Variants in TSHR observed in about 807,000 individuals in gnomAD.
TSHR encodes the protein thyroid stimulating hormone receptor.
TSHR carries 51 observed loss-of-function variants against 64.1 expected under a neutral mutation model. The observed-to-expected ratio is 0.80, with a 90% confidence interval of 0.64 to 1.01. The LOEUF (loss-of-function observed/expected upper bound fraction) is 1.01, where lower values mean the gene tolerates loss of function less well. Ranked by LOEUF, TSHR falls within the 50% of genes least tolerant of loss-of-function variation. TSHR has a pLI of 0.00. For synonymous variants in TSHR, 361 were observed against 361.9 expected, an observed-to-expected ratio of 1.00 and a Z score of 0.03; for missense variants, 877 against 942.8, an observed-to-expected ratio of 0.93 and a Z score of 0.91.
chr14:81,130,758 G>A (rs1891206113), intron 8 of TSHR, among the ~76,000 whole-genome samples: 1 of 91,046 alleles, frequency 1.1e-5, no homozygotes, highest in Non-Finnish European at 1.9e-5. Flanking sequence ...TTGGGAGGCC[G>A]AGGCGGGTGG....
intron 8 of TSHR, among the ~76,000 whole-genome samples, chr14:81,112,996 C>T (rs2140042811): frequency 6.6e-6 from 1 of 152,242 alleles, no homozygotes; most frequent in East Asian, 1.9e-4. Flanking sequence ...TTGATTTGCT[C>T]TTTAGATAGA....
chr14:80,986,309 T>C (rs983525286), intron 1 of TSHR, among the ~76,000 whole-genome samples: 1 of 152,044 alleles, frequency 6.6e-6, no homozygotes, highest in Admixed American at 6.6e-5. Flanking sequence ...AAAATACAGA[T>C]AGAGAGAGAT....
chr14:81,113,289 GA>G (rs1890310397), intron 8 of TSHR, among the ~76,000 whole-genome samples: 3 of 152,206 alleles, frequency 2.0e-5, no homozygotes, highest in Admixed American at 6.5e-5. Context: ...GATGATGAGA[GA>G]AACGAAGGAA....
At chr14:81,136,202 A>G (rs1278232320) in intron 8 of TSHR, among the ~76,000 whole-genome samples, 26 of 152,236 alleles carry the variant, frequency 1.7e-4, no homozygotes, top group Non-Finnish European at 4.4e-5. Context: ...TACTCAATTC[A>G]TATGTTATGA....
rs368452281 is a variant in TSHR at position 81,144,178 on chromosome 14, G to A, written c.2120G>A (p.Arg707Gln). The part of the protein sequence containing the change: ...GICKRQAQAY[R>Q]GQRVPPKNST... ...TGTAAACGCCAGGCTCAGGCATACCGGGGGCAGAGGGTTCCTCCAAAGAAC... is the reference window on the plus strand; with the variant it reads ...TGTAAACGCCAGGCTCAGGCATACCAGGGGCAGAGGGTTCCTCCAAAGAAC... The change falls in exon 10 of 10, where the codon CGG becomes CAG. Residue 707 changes from arginine to glutamine, a missense_variant. Physicochemically the swap from Arg to Gln is conservative, Grantham distance 43 (BLOSUM62 1). Coordinates refer to ENST00000298171, the MANE Select transcript of TSHR (RefSeq NM_000369.5). 107 of 1,613,798 alleles carry A rather than the reference G, an allele frequency of 6.6e-5. No individual in the cohort carries two copies. Among genetic ancestry groups the A allele is most frequent in the South Asian group, 2.9e-4 (26 of 91,066 alleles).
At chr14:80,965,977 C>T (rs1221157341) in intron 1 of TSHR, among the ~76,000 whole-genome samples, 19 of 152,220 alleles carry the variant, frequency 1.2e-4, no homozygotes, top group Non-Finnish European at 8.8e-5. Context: ...AAACTTCCCA[C>T]ATCACTTGCA....
At chr14:81,090,219 G>A (rs1888613773) in intron 4 of TSHR, among the ~76,000 whole-genome samples, 1 of 152,174 alleles carries the variant, frequency 6.6e-6, no homozygotes, top group South Asian at 2.1e-4. Flanking sequence ...TAAAGACTTT[G>A]TCTTTGATTG....
intron 3 of TSHR, among the ~76,000 whole-genome samples, chr14:81,083,874 C>T (rs1888090936): frequency 1.3e-5 from 2 of 152,134 alleles, no homozygotes; most frequent in Admixed American, 1.3e-4. Context: ...TTCTTTCTCA[C>T]ATGGCAGCAG....
In TSHR at chr14:81,143,206, G is replaced by A. The variant is rs1375916178; in HGVS notation, c.1148G>A (p.Ser383Asn). The A allele has an allele frequency of 1.9e-6, 3 of 1,614,062 alleles. No individual in the cohort carries two copies. In the Admixed American group the frequency reaches 5.0e-5, roughly 27 times the overall value. ...PQEETLQAFD[S>N]HYDYTICGDS... ...GAAGAGACTCTACAAGCTTTTGACA[G>A]CCATTATGACTACACCATATGTGGG... The change falls in exon 10 of 10, where the codon AGC (serine) becomes AAC (asparagine). Residue 383 changes from serine to asparagine, a missense_variant. Ser to Asn is a conservative substitution (Grantham distance 46). Transcript: ENST00000298171.
intron 8 of TSHR, among the ~76,000 whole-genome samples, chr14:81,116,032 G>T (rs374197479): frequency 6.6e-6 from 1 of 151,912 alleles, no homozygotes; most frequent in Non-Finnish European, 1.5e-5. Context: ...TGAAGGAAGC[G>T]CTAAACATGG....
intron 2 of TSHR, among the ~76,000 whole-genome samples, chr14:81,067,274 T>C (rs535847053): frequency 2.0e-5 from 3 of 152,040 alleles, no homozygotes; most frequent in African/African-American, 7.2e-5. Flanking sequence ...TCATGTTTTT[T>C]TGCTATTTTG....
intron 7 of TSHR, chr14:81,104,934 A>G (rs1889801339): frequency 1.0e-6 from 1 of 985,418 alleles, no homozygotes; most frequent in Admixed American, 6.1e-5. Context: ...TTTTAAAGGA[A>G]ATACCAGTTC....
At chr14:80,978,094 A>AC (rs368443326) in intron 1 of TSHR, among the ~76,000 whole-genome samples, 1 of 146,386 alleles carries the variant, frequency 6.8e-6, no homozygotes. Context: ...ACATCCCTCC[A>AC]ACACACACAC....
At chr14:81,108,295 C>T (rs1370345847) in intron 7 of TSHR, 80 bp from the exon 8 acceptor site, 4 of 1,163,860 alleles carry the variant, frequency 3.4e-6, no homozygotes, top group Admixed American at 1.7e-5. Flanking sequence ...ACATTTTATT[C>T]TGATATTTGT....
intron 9 of TSHR, 40 bp from the exon 10 acceptor site, chr14:81,142,900 G>A (rs774488446): frequency 1.9e-6 from 3 of 1,593,642 alleles, no homozygotes; most frequent in Non-Finnish European, 2.6e-6. Flanking sequence ...ATGAGCCACT[G>A]CGCCCAGCCT....
chr14:80,983,635 T>A, intron 1 of TSHR: 1 of 877,484 alleles, frequency 1.1e-6, no homozygotes, highest in South Asian at 2.1e-5. Context: ...ATTGAAGCAA[T>A]GTAAAATGAG....
chr14:81,036,104 A>G (rs1247188832), intron 1 of TSHR, among the ~76,000 whole-genome samples: 1 of 152,190 alleles, frequency 6.6e-6, no homozygotes, highest in East Asian at 1.9e-4. Flanking sequence ...ACACCAACTA[A>G]GCAAACAAAT....
chr14:81,053,444 A>G (rs754181127), intron 1 of TSHR: 1 of 152,234 alleles, frequency 6.6e-6, no homozygotes, highest in Non-Finnish European at 1.5e-5. Context: ...GTGTACACAA[A>G]TAGACATTTT....
At chr14:81,059,060 A>C (rs1022275496) in intron 1 of TSHR, among the ~76,000 whole-genome samples, 2 of 152,190 alleles carry the variant, frequency 1.3e-5, no homozygotes, top group East Asian at 3.8e-4. Flanking sequence ...ATGCCGGAGC[A>C]CATGTGTCTG....
Sources: allele counts gnomAD v4.1 joint callset (sites outside exome capture counted in the v4.1 genomes callset), GRCh38; gene constraint gnomAD v4.1.1; transcripts MANE v1.5; gene names NCBI Gene and HGNC (gene_info 2026-07-23, HGNC 2026-07-21).